Variants in NEDD4L observed in about 807,000 individuals in gnomAD.
The protein encoded by NEDD4L is E3 ubiquitin-protein ligase NEDD4-like.
NEDD4L carries 54 observed loss-of-function variants against 148.9 expected under a neutral mutation model. The ratio of observed to expected loss-of-function variants is 0.36; its 90% confidence interval spans 0.29 to 0.45. NEDD4L has a LOEUF of 0.45. Among genes scored for constraint, NEDD4L ranks in the 20% least tolerant of loss-of-function variants. NEDD4L has a pLI of 1.00. For synonymous variants in NEDD4L, 433 were observed against 440.7 expected (o/e 0.98, Z 0.22); for missense variants, 856 against 1,233.8 (o/e 0.69, Z 4.59).
intron 5 of NEDD4L, among the ~76,000 whole-genome samples, chr18:58,308,337 T>G: frequency 6.6e-6 from 1 of 152,168 alleles, no homozygotes; most frequent in African/African-American, 2.4e-5. Flanking sequence ...ACCTGGGGGG[T>G]TTCTACATCT....
chr18:58,044,569 G>T lies in NEDD4L; in HGVS notation c.-92G>T, dbSNP rs2081485050. The T allele has an allele frequency of 8.5e-6, 12 of 1,411,750 alleles. No individual in the cohort carries two copies. The Admixed American group carries it at 2.9e-4, about 34-fold the overall frequency. The allele number at this position is 1,411,750 out of a possible 1,614,324, so 87.5% of individuals were successfully genotyped here. A position where few individuals can be genotyped will look rare whatever the true frequency, so the allele number is the denominator to read the frequency against. ...CGTGCGCAGGGTAGGGTGCGGGACCGGGGGGACCTGGAGGCAGAGGGGAGA... is the reference window on the plus strand; with the variant it reads ...CGTGCGCAGGGTAGGGTGCGGGACCTGGGGGACCTGGAGGCAGAGGGGAGA... On this transcript the variant is annotated 5_prime_UTR_variant, in exon 1 of 31. Coordinates refer to ENST00000400345, the MANE Select transcript of NEDD4L (RefSeq NM_001144967.3).
chr18:58,081,913 A>G (rs1568188770), intron 1 of NEDD4L, among the ~76,000 whole-genome samples: 1 of 151,682 alleles, frequency 6.6e-6, no homozygotes, highest in African/African-American at 2.4e-5. Context: ...GGTGGTAACT[A>G]CCTAATCTAA....
In NEDD4L at chr18:58,323,241, T is replaced by C. The variant is rs1482030126; in HGVS notation, c.420T>C (p.Ser140=). The change falls in exon 8 of 31, where the codon TCT becomes TCC. Residue 140 remains serine (S), a synonymous_variant. Coordinates refer to ENST00000400345, the MANE Select transcript of NEDD4L (RefSeq NM_001144967.3). ...DFLLRPRSHK[S]RVKGFLRLKM... is the part of the protein sequence containing the mutation. ...TCCATTATGTGTGCAGTCATAAGTC[T>C]CGAGTTAAGGGATTTTTGCGATTGA... 1.3e-6 allele frequency: 2 copies of C among 1,596,538 alleles called. No individual in the cohort carries two copies. The highest frequency in any genetic ancestry group is 4.5e-5 in the East Asian group (2 of 44,670).
intron 1 of NEDD4L, among the ~76,000 whole-genome samples, chr18:58,076,138 G>A (rs1196513198): frequency 6.6e-6 from 1 of 152,174 alleles, no homozygotes; most frequent in Non-Finnish European, 1.5e-5. Context: ...AAATGTTGCT[G>A]TTTGCTTTTT....
intron 1 of NEDD4L, among the ~76,000 whole-genome samples, chr18:58,109,141 A>G (rs1257012740): frequency 6.6e-6 from 1 of 152,260 alleles, no homozygotes; most frequent in African/African-American, 2.4e-5. Context: ...ACCAGCCGTG[A>G]TTAGGTGCTC....
chr18:58,382,922 T>C (rs943526252), intron 24 of NEDD4L, among the ~76,000 whole-genome samples: 13 of 152,262 alleles, frequency 8.5e-5, no homozygotes, highest in African/African-American at 2.9e-4. Context: ...TGTACCCTGT[T>C]CTTTTCTCTG....
chr18:58,162,661 A>T (rs1039469259), intron 1 of NEDD4L, among the ~76,000 whole-genome samples: 1 of 151,000 alleles, frequency 6.6e-6, no homozygotes, highest in Non-Finnish European at 1.5e-5. Context: ...TGTCTTGTTT[A>T]CATCTCTATC....
At chr18:58,262,631 GAAAAAAAA>G (rs11296007) in intron 5 of NEDD4L, among the ~76,000 whole-genome samples, 9 of 138,688 alleles carry the variant, frequency 6.5e-5, no homozygotes, top group Non-Finnish European at 1.4e-4. Flanking sequence ...TCTGTCTCAG[GAAAAAAAA>G]AAAAAAAAGG....
At chr18:58,146,827 T>C (rs2034144563) in intron 1 of NEDD4L, among the ~76,000 whole-genome samples, 1 of 152,234 alleles carries the variant, frequency 6.6e-6, no homozygotes, top group African/African-American at 2.4e-5. Context: ...GCTCTTTTCT[T>C]GCCATCTTGA....
intron 5 of NEDD4L, among the ~76,000 whole-genome samples, chr18:58,306,358 A>G (rs1460894440): frequency 2.0e-5 from 3 of 152,164 alleles, no homozygotes. Context: ...TCAAGCTCAT[A>G]CGTTACTCAT....
At chr18:58,315,152 A>G (rs1194590111) in intron 5 of NEDD4L, among the ~76,000 whole-genome samples, 1 of 152,120 alleles carries the variant, frequency 6.6e-6, no homozygotes, top group African/African-American at 2.4e-5. Flanking sequence ...AGAGCGGCAA[A>G]TAGTCATTGT....
chr18:58,293,946 C>T (rs1359735822), intron 5 of NEDD4L, among the ~76,000 whole-genome samples: 1 of 152,164 alleles, frequency 6.6e-6, no homozygotes, highest in Non-Finnish European at 1.5e-5. Flanking sequence ...TGATCTCGAA[C>T]TCCTGGGCTC....
intron 5 of NEDD4L, among the ~76,000 whole-genome samples, chr18:58,274,649 A>G (rs1289043349): frequency 6.6e-6 from 1 of 152,248 alleles, no homozygotes; most frequent in African/African-American, 2.4e-5. Flanking sequence ...GAAAGAGAAG[A>G]GTTCTTAGCC....
chr18:58,241,327 T>C (rs2046608108), intron 2 of NEDD4L, among the ~76,000 whole-genome samples: 1 of 152,230 alleles, frequency 6.6e-6, no homozygotes, highest in Non-Finnish European at 1.5e-5. Flanking sequence ...TCCTTGTGGT[T>C]TGAGCCTGGG....
intron 27 of NEDD4L, 174 bp downstream of exon 27, chr18:58,387,672 T>C: frequency 1.4e-6 from 1 of 724,006 alleles, no homozygotes; most frequent in Non-Finnish European, 2.0e-6. Flanking sequence ...CTATTACATG[T>C]CTCTTATGGG....
At chr18:58,375,431 G>C (rs2047439225) in intron 24 of NEDD4L, among the ~76,000 whole-genome samples, 1 of 151,930 alleles carries the variant, frequency 6.6e-6, no homozygotes, top group Non-Finnish European at 1.5e-5. Flanking sequence ...TGGCCATCTT[G>C]TGACCTTCAG....
intron 1 of NEDD4L, among the ~76,000 whole-genome samples, chr18:58,151,758 C>T (rs2034797573): frequency 6.6e-6 from 1 of 151,380 alleles, no homozygotes. Context: ...GGTTAGAGAG[C>T]AAGGAGGTAG....
intron 1 of NEDD4L, among the ~76,000 whole-genome samples, chr18:58,113,342 T>C (rs924742359): frequency 5.9e-5 from 9 of 152,192 alleles, no homozygotes; most frequent in African/African-American, 2.2e-4. Flanking sequence ...TATACCTTTA[T>C]TGAATCAAGG....
intron 2 of NEDD4L, among the ~76,000 whole-genome samples, chr18:58,199,205 T>G (rs1202909331): frequency 2.6e-5 from 4 of 152,272 alleles, no homozygotes; most frequent in Non-Finnish European, 4.4e-5. Flanking sequence ...TTAATCCACG[T>G]TGACATCTTC....
Sources: allele counts gnomAD v4.1 joint callset (sites outside exome capture counted in the v4.1 genomes callset), GRCh38; gene constraint gnomAD v4.1.1; transcripts MANE v1.5; gene names NCBI Gene and HGNC (gene_info 2026-07-23, HGNC 2026-07-21).